Variants in DICER1 observed in about 807,000 individuals in gnomAD.
DICER1 encodes dicer 1, ribonuclease III, also known as endoribonuclease Dicer.
In DICER1, 43 loss-of-function variants were observed where a neutral mutation model predicts 194.1. The ratio of observed to expected loss-of-function variants is 0.22; its 90% CI spans 0.17 to 0.29. The LOEUF (loss-of-function observed/expected upper bound fraction) is 0.29. DICER1 is among the 10% of genes least tolerant of loss of function. The pLI, the probability that DICER1 is intolerant of heterozygous loss-of-function variation, is 1.00. For synonymous variants in DICER1, 832 were observed against 820.5 expected, an observed-to-expected ratio of 1.01 and a Z score of -0.24; for missense variants, 1,608 against 2,317.0, an observed-to-expected ratio of 0.69 and a Z score of 6.28.
chr14:95,154,693 G>T (rs1895726856), intron 1 of DICER1, among the ~76,000 whole-genome samples: 1 of 152,142 alleles, frequency 6.6e-6, no homozygotes, highest in African/African-American at 2.4e-5. Context: ...CTCTGGCATT[G>T]AAGGTAGGAT....
At chr14:95,133,238 T>A in intron 2 of DICER1, 77 bp downstream of exon 2, 1 of 1,510,066 alleles carries the variant, frequency 6.6e-7, no homozygotes, top group Non-Finnish European at 9.2e-7. Flanking sequence ...ATGAGTTTTA[T>A]ATAAGTTGTG....
At chr14:95,091,566 AAAAG>A in intron 24 of DICER1, 1 of 573,888 alleles carries the variant, frequency 1.7e-6, no homozygotes, top group Non-Finnish European at 3.0e-6. Flanking sequence ...TCTCAAGAAA[AAAAG>A]AAAAAATATC....
At chr14:95,145,790 G>GTT (rs1009079322) in intron 1 of DICER1, among the ~76,000 whole-genome samples, 2 of 148,060 alleles carry the variant, frequency 1.4e-5, no homozygotes, top group African/African-American at 2.5e-5. Context: ...TTTTTAAAAA[G>GTT]TTTTTTTTTT....
chr14:95,138,514 G>GA (rs775030551), intron 1 of DICER1, among the ~76,000 whole-genome samples: 6 of 151,904 alleles, frequency 3.9e-5, no homozygotes, highest in Non-Finnish European at 7.4e-5. Context: ...CCATGTGTAA[G>GA]AAAATAATAC....
At chr14:95,094,271 T>C (rs2139819085) in intron 23 of DICER1, 115 bp from the exon 24 acceptor site, 2 of 1,330,772 alleles carry the variant, frequency 1.5e-6, no homozygotes, top group East Asian at 2.3e-5. Context: ...TTTTCATACA[T>C]ATATTCTTCA....
At chr14:95,100,807 C>T (rs995858105) in intron 21 of DICER1, among the ~76,000 whole-genome samples, 15 of 152,126 alleles carry the variant, frequency 9.9e-5, no homozygotes, top group Admixed American at 1.3e-4. Flanking sequence ...GAGAGGCACT[C>T]GATTGGGCAA....
intron 1 of DICER1, among the ~76,000 whole-genome samples, chr14:95,156,133 C>G (rs1029437660): frequency 6.6e-6 from 1 of 152,164 alleles, no homozygotes; most frequent in African/African-American, 2.4e-5. Flanking sequence ...ATATAGCTAA[C>G]CTGTTTTAAC....
intron 1 of DICER1, among the ~76,000 whole-genome samples, chr14:95,150,264 A>C: frequency 6.6e-6 from 1 of 152,154 alleles, no homozygotes; most frequent in South Asian, 2.1e-4. Context: ...CAGGTGAATC[A>C]CTTGAGGTCA....
chr14:95,105,848 C>T lies in DICER1; in HGVS notation c.2988-65G>A. 6.8e-7 allele frequency: 1 copy of T among 1,471,344 alleles called. No homozygotes were observed. The highest frequency in any genetic ancestry group is 9.5e-7 in the Non-Finnish European group (1 of 1,051,788). 91.1% of individuals were successfully genotyped at this position (1,471,344 alleles called of 1,614,324 possible). A position where few individuals can be genotyped will look rare whatever the true frequency, so the allele number is the denominator to read the frequency against. ...ATGAGTACATATTCACAGTGGTTCT[C>T]CAAAAACCACCTGAAGAGCTCATTT... On this transcript the variant is annotated intron_variant, in intron 18 of 26. Transcript: ENST00000343455. The surrounding 1 kb of genome is among the most constrained non-coding windows in gnomAD (Gnocchi z 4.9).
intron 22 of DICER1, among the ~76,000 whole-genome samples, chr14:95,096,985 C>G (rs1890414522): frequency 6.6e-6 from 1 of 152,114 alleles, no homozygotes; most frequent in Non-Finnish European, 1.5e-5. Context: ...GGACTTTGAA[C>G]ATGGATATAA....
At chr14:95,138,907 T>G (rs1285496600) in intron 1 of DICER1, among the ~76,000 whole-genome samples, 4 of 148,076 alleles carry the variant, frequency 2.7e-5, no homozygotes, top group African/African-American at 9.9e-5. Context: ...GCATGGCACA[T>G]GTATACATAT....
chr14:95,140,993 A>C (rs768057249), intron 1 of DICER1, among the ~76,000 whole-genome samples: 1 of 152,250 alleles, frequency 6.6e-6, no homozygotes, highest in Non-Finnish European at 1.5e-5. Context: ...GGAGAAATAA[A>C]GAGCTAGAGC....
intron 1 of DICER1, among the ~76,000 whole-genome samples, chr14:95,155,918 C>T (rs1347796134): frequency 2.0e-5 from 3 of 152,176 alleles, no homozygotes. Flanking sequence ...ATATAATACA[C>T]ACGTGCCACA....
Position 95,098,762 on chromosome 14 carries a change from G to A in DICER1, c.4206+1018C>T, listed in dbSNP as rs148174170. Among the ~76,000 whole-genome samples the A allele has an allele frequency of 2.4e-3, 359 of 152,012 alleles. 2 individuals are homozygous for A. Among genetic ancestry groups the A allele is most frequent in the African/African-American group, 8.2e-3 (338 of 41,444 alleles). On this transcript the variant is annotated intron_variant, in intron 22 of 26. Coordinates refer to ENST00000343455, the MANE Select transcript of DICER1 (RefSeq NM_177438.3). ...CTAAATTAATAACAAATAATTGTTC[G>A]GACCTAACTTGCATTAAAATATTCC...
intron 1 of DICER1, chr14:95,140,854 T>C (rs1894785563): frequency 6.6e-6 from 1 of 152,170 alleles, no homozygotes; most frequent in Admixed American, 6.5e-5. Context: ...AAGAGTTGAA[T>C]AAAAGGCCAT....
intron 23 of DICER1, 94 bp downstream of exon 23, chr14:95,095,731 G>T: frequency 1.5e-6 from 2 of 1,312,754 alleles, no homozygotes; most frequent in Non-Finnish European, 2.2e-6. Flanking sequence ...CATGAACACT[G>T]TACATGCATA....
At position 95,138,212 on chromosome 14, in the gene DICER1, T is replaced by A. The variant is rs533201886; in HGVS notation, c.-45-4709A>T. Reference sequence around the variant, plus strand: ...TCAAAGGACAGAGATTTTTTTTTTTTCTTAGCAAACACAACATTTCTCATA... The same window carrying A: ...TCAAAGGACAGAGATTTTTTTTTTTACTTAGCAAACACAACATTTCTCATA... On this transcript the variant is annotated intron_variant, in intron 1 of 26. Coordinates refer to ENST00000343455, the MANE Select transcript of DICER1 (RefSeq NM_177438.3). Among the ~76,000 whole-genome samples, 11 of 151,990 alleles carry A rather than the reference T, an allele frequency of 7.2e-5. No individual in the cohort carries two copies. In the South Asian group the frequency reaches 2.3e-3, roughly 32 times the overall value.
At position 95,113,138 on chromosome 14, in the gene DICER1, G is replaced by C; in HGVS notation, c.1994C>G (p.Ser665Ter). 6.2e-7 allele frequency: 1 copy of C among 1,613,658 alleles called. No individual in the cohort carries two copies. Among genetic ancestry groups the C allele is most frequent in the Non-Finnish European group, 8.5e-7 (1 of 1,179,590 alleles). The stretch of plus-strand genomic sequence containing the variant: ...TGAGTTAATTGGCAGATAAAGAGTT[G>C]AATAAAATGTACCATCAGGCAACTC... ...TRELPDGTFY[S>*]TLYLPINSPL... Residue 665 changes from serine to a stop codon, truncating the protein, a stop_gained, in exon 12 of 27, where the codon TCA (serine) becomes TGA (stop). Coordinates refer to ENST00000343455, the MANE Select transcript of DICER1 (RefSeq NM_177438.3). LOFTEE classifies it high-confidence loss of function.
In DICER1 at chr14:95,111,364, G is replaced by T. The variant is rs778284198; in HGVS notation, c.2209C>A (p.Pro737Thr). The T allele has an allele frequency of 1.2e-6, 2 of 1,614,132 alleles. No homozygotes were observed. Among genetic ancestry groups the T allele is most frequent in the Non-Finnish European group, 1.7e-6 (2 of 1,179,984 alleles). ...CGTTTCGTGGAACCTGGTCTTCCTG[G>T]AACACTGGTCTCTTCTTCATCATGC... ...DLHDEEETSVPGRPGSTKRRQ... is the reference protein window; with the variant it reads ...DLHDEEETSVTGRPGSTKRRQ... Residue 737 changes from proline (P) to threonine (T), a missense_variant, in exon 14 of 27, where the codon CCA becomes ACA. Physicochemically the swap from Pro to Thr is conservative, Grantham distance 38. Transcript: ENST00000343455.
Sources: allele counts gnomAD v4.1 joint callset (sites outside exome capture counted in the v4.1 genomes callset), GRCh38; gene constraint gnomAD v4.1.1; non-coding constraint Gnocchi (gnomAD v3.1); transcripts MANE v1.5; gene names NCBI Gene and HGNC (gene_info 2026-07-23, HGNC 2026-07-21).